Variants in CNTN1 observed in about 807,000 individuals in gnomAD.
The protein encoded by CNTN1 is contactin 1.
Under a neutral mutation model 126.4 loss-of-function variants are expected in CNTN1, and 38 were observed. That is an observed-to-expected ratio of 0.30 (90% CI 0.23 to 0.39). The LOEUF (loss-of-function observed/expected upper bound fraction) is 0.39, where lower values mean the gene tolerates loss of function less well. CNTN1 is among the 10% of genes least tolerant of loss of function. The probability of loss-of-function intolerance (pLI) is 1.00; values close to 1 mark genes in which losing one functional copy is unlikely to be tolerated. For missense variants in CNTN1, 1,009 were observed against 1,248.4 expected, an observed-to-expected ratio of 0.81 and a Z score of 2.89; for synonymous variants, 413 against 422.6, an observed-to-expected ratio of 0.98 and a Z score of 0.28.
intron 15 of CNTN1, among the ~76,000 whole-genome samples, chr12:40,975,234 A>T (rs1184609105): frequency 7.2e-6 from 1 of 138,248 alleles, no homozygotes; most frequent in South Asian, 2.3e-4. Flanking sequence ...GTTTTAGTGG[A>T]CTCTTAAATG....
intron 1 of CNTN1, among the ~76,000 whole-genome samples, chr12:40,775,264 C>T (rs1205363119): frequency 6.6e-6 from 1 of 151,066 alleles, no homozygotes; most frequent in Non-Finnish European, 1.5e-5. Flanking sequence ...TAAATGAAGA[C>T]CACAATTAAA....
intron 1 of CNTN1, among the ~76,000 whole-genome samples, chr12:40,825,945 C>T (rs1007674733): frequency 6.6e-5 from 10 of 152,184 alleles, no homozygotes; most frequent in African/African-American, 2.4e-4. Flanking sequence ...CAAGCAGATG[C>T]AAAGTTGCAG....
chr12:40,725,383 A>G (rs1412122728), intron 1 of CNTN1, among the ~76,000 whole-genome samples: 1 of 149,816 alleles, frequency 6.7e-6, no homozygotes, highest in Non-Finnish European at 1.5e-5. Context: ...CCTGGGCAAC[A>G]AAAGTGAAAC....
chr12:40,742,629 T>C (rs1937993107), intron 1 of CNTN1, among the ~76,000 whole-genome samples: 1 of 151,960 alleles, frequency 6.6e-6, no homozygotes, highest in Admixed American at 6.6e-5. Context: ...AGCCTCAAAC[T>C]TCTGGACTCA....
intron 23 of CNTN1, among the ~76,000 whole-genome samples, chr12:41,044,767 A>T (rs576964381): frequency 3.3e-5 from 5 of 152,246 alleles, no homozygotes; most frequent in African/African-American, 1.2e-4. Context: ...GAATGTAATT[A>T]TAGTGAAGAA....
Position 40,760,091 on chromosome 12 carries a change from G to T in CNTN1, c.-77+67499G>T, listed in dbSNP as rs546980692. Among the ~76,000 whole-genome samples, 3 of 152,190 alleles carry T rather than the reference G, an allele frequency of 2.0e-5. No individual in the cohort carries two copies. In the South Asian group the frequency reaches 6.2e-4, roughly 32 times the overall value. On this transcript the variant is annotated intron_variant, in intron 1 of 23. Transcript: ENST00000551295. Reference sequence around the variant, plus strand: ...TCCAAGTTCTGATTGCCTTAGTATTGCAAGCCCTTAATCTGGGTGCCAGGG... The same window carrying T: ...TCCAAGTTCTGATTGCCTTAGTATTTCAAGCCCTTAATCTGGGTGCCAGGG...
intron 1 of CNTN1, among the ~76,000 whole-genome samples, chr12:40,736,654 A>C (rs1406040041): frequency 1.3e-5 from 2 of 152,132 alleles, no homozygotes; most frequent in African/African-American, 2.4e-5. Context: ...AGCCACAACC[A>C]CTTGCATTGA....
intron 23 of CNTN1, 22 bp downstream of exon 23, chr12:41,029,241 C>G: frequency 6.2e-7 from 1 of 1,613,600 alleles, no homozygotes; most frequent in Non-Finnish European, 8.5e-7. Context: ...ATTTAAGACA[C>G]ATTTCAACTA....
intron 1 of CNTN1, among the ~76,000 whole-genome samples, chr12:40,791,965 T>C (rs1262911628): frequency 1.3e-5 from 2 of 152,170 alleles, no homozygotes; most frequent in Admixed American, 1.3e-4. Context: ...TAGAGTTTTA[T>C]GGGCCATTCA....
chr12:40,914,948 C>T (rs994473712), intron 3 of CNTN1, among the ~76,000 whole-genome samples: 1 of 152,030 alleles, frequency 6.6e-6, no homozygotes, highest in Non-Finnish European at 1.5e-5. Context: ...ACTTTATAGG[C>T]ATGGCCTCAT....
chr12:41,031,431 A>G lies in CNTN1; in HGVS notation c.2980+2212A>G, dbSNP rs1401590389. ...TGACAACATTATAATATAGTAAAAT[A>G]TTAAGAAATGATGGGTTTTGAGTAT... On this transcript the variant is annotated intron_variant, in intron 23 of 23. Transcript: ENST00000551295. 3.9e-5 allele frequency among the ~76,000 whole-genome samples: 6 copies of G among 152,220 alleles called. No homozygotes were observed. The South Asian group carries it at 6.2e-4, about 16-fold the overall frequency.
At chr12:40,777,711 G>A (rs949067147) in intron 1 of CNTN1, among the ~76,000 whole-genome samples, 5 of 151,712 alleles carry the variant, frequency 3.3e-5, no homozygotes, top group Non-Finnish European at 5.9e-5. Flanking sequence ...TGCATAAACT[G>A]CATGAGCACA....
chr12:40,831,076 T>C (rs1941820863), intron 1 of CNTN1, among the ~76,000 whole-genome samples: 2 of 144,154 alleles, frequency 1.4e-5, no homozygotes, highest in Admixed American at 7.0e-5. Context: ...GTATATATAC[T>C]ATACATATAC....
chr12:40,828,276 G>A (rs1454139939), intron 1 of CNTN1: 1 of 152,112 alleles, frequency 6.6e-6, no homozygotes, highest in East Asian at 1.9e-4. Flanking sequence ...ATTATACCCA[G>A]GACGACAGAT....
At chr12:40,957,979 C>CTCCA (rs1946952765) in intron 14 of CNTN1, among the ~76,000 whole-genome samples, 1 of 152,010 alleles carries the variant, frequency 6.6e-6, no homozygotes, top group Admixed American at 6.6e-5. Context: ...AAAACGTTCA[C>CTCCA]TCCATGTACA....
intron 1 of CNTN1, among the ~76,000 whole-genome samples, chr12:40,830,946 T>C (rs200206905): frequency 0.38 from 45,254 of 120,556 alleles, 8,253 homozygotes; most frequent in East Asian, 0.56. Flanking sequence ...CATATATATA[T>C]ATATATATAT....
intron 1 of CNTN1, among the ~76,000 whole-genome samples, chr12:40,848,289 C>T (rs1942591177): frequency 6.6e-6 from 1 of 152,106 alleles, no homozygotes; most frequent in African/African-American, 2.4e-5. Flanking sequence ...TTACTATTTC[C>T]CCCAATTTCA....
intron 4 of CNTN1, 147 bp downstream of exon 4, chr12:40,918,918 A>C: frequency 2.1e-6 from 2 of 953,186 alleles, no homozygotes. Flanking sequence ...CTATTAAAAA[A>C]GTTGCCTAAT....
At chr12:41,066,952 A>G (rs2121147497) in intron 23 of CNTN1, among the ~76,000 whole-genome samples, 1 of 152,336 alleles carries the variant, frequency 6.6e-6, no homozygotes, top group East Asian at 1.9e-4. Context: ...TTCAGGTTTA[A>G]CATTCATCAG....
Sources: allele counts gnomAD v4.1 joint callset (sites outside exome capture counted in the v4.1 genomes callset), GRCh38; gene constraint gnomAD v4.1.1; transcripts MANE v1.5; gene names NCBI Gene and HGNC (gene_info 2026-07-23, HGNC 2026-07-21).